Variants in PPP1R12A observed in about 807,000 individuals in gnomAD.
The protein encoded by PPP1R12A is myosin binding subunit.
Under a neutral mutation model 139.6 loss-of-function variants are expected in PPP1R12A, and 19 were observed. That is an observed-to-expected ratio of 0.14 (90% CI 0.09 to 0.20). The LOEUF is 0.20. Ranked by LOEUF, PPP1R12A falls within the 10% of genes least tolerant of loss-of-function variation. PPP1R12A has a pLI of 1.00. For missense variants in PPP1R12A, 925 were observed against 1,211.5 expected, an observed-to-expected ratio of 0.76 and a Z score of 3.51; for synonymous variants, 427 against 420.6, an observed-to-expected ratio of 1.02 and a Z score of -0.19.
intron 18 of PPP1R12A, among the ~76,000 whole-genome samples, chr12:79,795,234 T>C (rs905858594): frequency 6.6e-6 from 1 of 152,172 alleles, no homozygotes; most frequent in African/African-American, 2.4e-5. Flanking sequence ...CAAAGCACTG[T>C]GTCTATTTAG....
At chr12:79,933,259 A>G (rs1888383320) in intron 1 of PPP1R12A, among the ~76,000 whole-genome samples, 1 of 152,250 alleles carries the variant, frequency 6.6e-6, no homozygotes, top group South Asian at 2.1e-4. Context: ...AATCATTTCA[A>G]TATATCCAGT....
intron 1 of PPP1R12A, 121 bp from the exon 2 acceptor site, chr12:79,873,059 TCTG>T (rs1174931766): frequency 9.2e-7 from 1 of 1,092,102 alleles, no homozygotes; most frequent in Non-Finnish European, 1.3e-6. Flanking sequence ...TGTAAATAAA[TCTG>T]CTGCTATCTT....
chr12:79,899,071 AT>A (rs1885388668), intron 1 of PPP1R12A, among the ~76,000 whole-genome samples: 1 of 152,070 alleles, frequency 6.6e-6, no homozygotes, highest in South Asian at 2.1e-4. Flanking sequence ...ACAGTCATTT[AT>A]TTACACATTA....
chr12:79,858,310 A>C lies in PPP1R12A; in HGVS notation c.369-12890T>G, dbSNP rs551003281. 1.8e-4 allele frequency among the ~76,000 whole-genome samples: 27 copies of C among 152,338 alleles called. No homozygotes were observed. The East Asian group carries it at 5.2e-3, about 29-fold the overall frequency. On this transcript the variant is annotated intron_variant, in intron 2 of 24. Transcript: ENST00000450142. ...AAACCCAAGAGCTTACCTATTTTTC[A>C]CTGAAAAGTGGTAACCAAAAATTAT... is the stretch of plus-strand genomic sequence containing the variant.
intron 5 of PPP1R12A, chr12:79,825,294 T>C (rs1876632119): frequency 6.6e-6 from 1 of 152,156 alleles, no homozygotes; most frequent in Admixed American, 6.6e-5. Flanking sequence ...TCTAAAAACT[T>C]GTCTGCTAAC....
At chr12:79,900,171 A>G (rs1189465857) in intron 1 of PPP1R12A, among the ~76,000 whole-genome samples, 2 of 152,206 alleles carry the variant, frequency 1.3e-5, no homozygotes, top group Non-Finnish European at 2.9e-5. Context: ...CCAGGGCAAA[A>G]AAATTCAAAA....
At chr12:79,810,535 G>C (rs561363080) in intron 9 of PPP1R12A, among the ~76,000 whole-genome samples, 1 of 151,936 alleles carries the variant, frequency 6.6e-6, no homozygotes, top group South Asian at 2.1e-4. Context: ...AAATAAGACA[G>C]GTAAAGAGAC....
chr12:79,877,081 C>T (rs1399183670), intron 1 of PPP1R12A, among the ~76,000 whole-genome samples: 3 of 152,074 alleles, frequency 2.0e-5, no homozygotes, highest in Non-Finnish European at 4.4e-5. Context: ...TCTGGCTCTG[C>T]CACAAATTTT....
intron 1 of PPP1R12A, among the ~76,000 whole-genome samples, chr12:79,887,807 A>G (rs953493856): frequency 6.6e-6 from 1 of 152,192 alleles, no homozygotes; most frequent in Non-Finnish European, 1.5e-5. Flanking sequence ...ATAATATGAC[A>G]CAATTCTTGC....
At chr12:79,815,538 AAGAT>A (rs1364566175) in intron 9 of PPP1R12A, among the ~76,000 whole-genome samples, 5 of 152,180 alleles carry the variant, frequency 3.3e-5, no homozygotes, top group East Asian at 1.9e-4. Flanking sequence ...AAAAAAAAAA[AAGAT>A]AGCCAGTTTC....
In PPP1R12A at chr12:79,776,032, T is replaced by C. The variant is rs532246359; in HGVS notation, c.3007-17A>G. ...TGGTAACATCTATAAAGAGAAAAATTGAAGATCAAGTTTTACCTTCAATAT... is the reference window on the plus strand; with the variant it reads ...TGGTAACATCTATAAAGAGAAAAATCGAAGATCAAGTTTTACCTTCAATAT... On this transcript the variant is annotated splice_polypyrimidine_tract_variant and intron_variant, in intron 24 of 24. Transcript: ENST00000450142. 1 of 1,489,684 alleles carries C rather than the reference T, an allele frequency of 6.7e-7. No individual in the cohort carries two copies. The highest frequency in any genetic ancestry group is 1.3e-5 in the South Asian group (1 of 78,034). The allele number at this position is 1,489,684 out of a possible 1,614,324, so 92.3% of individuals were successfully genotyped here.
intron 1 of PPP1R12A, among the ~76,000 whole-genome samples, chr12:79,911,535 AC>A (rs1309912357): frequency 6.6e-6 from 1 of 152,044 alleles, no homozygotes; most frequent in Non-Finnish European, 1.5e-5. Flanking sequence ...TGTACACCAA[AC>A]CCCCATGACA....
intron 2 of PPP1R12A, among the ~76,000 whole-genome samples, chr12:79,863,704 A>G (rs1881633431): frequency 6.6e-6 from 1 of 151,700 alleles, no homozygotes; most frequent in African/African-American, 2.4e-5. Flanking sequence ...CTCTGATAAA[A>G]CAGACTTTAA....
In PPP1R12A at chr12:79,795,603, A is replaced by C. The variant is rs927511789; in HGVS notation, c.2583+35T>G. The C allele has an allele frequency of 2.5e-6, 4 of 1,580,506 alleles. No individual in the cohort carries two copies. The African/African-American group carries it at 5.5e-5, about 22-fold the overall frequency. On this transcript the variant is annotated intron_variant, in intron 18 of 24. Coordinates refer to ENST00000450142, the MANE Select transcript of PPP1R12A (RefSeq NM_002480.3). ...GGACACATTAAGAATACTATCAAGA[A>C]TACTATCAAATAATGTATTTTAATA...
intron 1 of PPP1R12A, among the ~76,000 whole-genome samples, chr12:79,912,644 T>C (rs1030674305): frequency 1.3e-5 from 2 of 150,404 alleles, no homozygotes; most frequent in Admixed American, 1.3e-4. Context: ...CAGTGAGCCG[T>C]GATTGTGCCA....
Position 79,935,086 on chromosome 12 carries a change from C to T in PPP1R12A, c.-155G>A, listed in dbSNP as rs1211612613. ...GCCGACGCTCGAGACTTCCAGTATC[C>T]CACAGAGCACTGGGGCGGCGCACCC... is the stretch of plus-strand genomic sequence containing the variant. On this transcript the variant is annotated 5_prime_UTR_variant, in exon 1 of 25. Transcript: ENST00000450142. 1.4e-6 allele frequency: 2 copies of T among 1,393,266 alleles called. No homozygotes were observed. The highest frequency in any genetic ancestry group is 1.9e-6 in the Non-Finnish European group (2 of 1,076,090). 86.3% of individuals were successfully genotyped at this position (1,393,266 alleles called of 1,614,324 possible).
intron 3 of PPP1R12A, among the ~76,000 whole-genome samples, chr12:79,841,818 C>T (rs1486779494): frequency 6.6e-6 from 1 of 152,156 alleles, no homozygotes; most frequent in Non-Finnish European, 1.5e-5. Flanking sequence ...TCTAGAAGAT[C>T]CTATGACTCT....
At chr12:79,849,363 G>T (rs1879780160) in intron 2 of PPP1R12A, among the ~76,000 whole-genome samples, 1 of 150,562 alleles carries the variant, frequency 6.6e-6, no homozygotes, top group Non-Finnish European at 1.5e-5. Context: ...TTCCAGTCTG[G>T]GTGACAGGGC....
chr12:79,854,330 T>TGA (rs1880384033), intron 2 of PPP1R12A, among the ~76,000 whole-genome samples: 1 of 152,230 alleles, frequency 6.6e-6, no homozygotes, highest in African/African-American at 2.4e-5. Context: ...TTAGATCTGA[T>TGA]GAAATCCAGT....
Sources: gnomAD v4.1 joint callset for allele counts (sites outside exome capture counted in the v4.1 genomes callset) on GRCh38, gnomAD v4.1.1 for gene constraint, MANE v1.5 for transcripts, NCBI Gene and HGNC (gene_info 2026-07-23, HGNC 2026-07-21) for gene names.